The following ORC4 variants were observed in gnomAD, a reference collection of about 807,000 sequenced individuals.
The protein encoded by ORC4 is origin recognition complex, subunit 4 homolog.
In ORC4, 55 loss-of-function variants were observed where a neutral mutation model predicts 63.9. The observed-to-expected ratio is 0.86, with a 90% CI of 0.69 to 1.08. ORC4 has a LOEUF of 1.08. Among genes scored for constraint, ORC4 ranks in the 50% least tolerant of loss-of-function variants. The pLI, the probability that ORC4 is intolerant of heterozygous loss-of-function variation, is 0.00. For synonymous variants in ORC4, 150 were observed against 168.5 expected, an observed-to-expected ratio of 0.89 and a Z score of 0.85; for missense variants, 511 against 504.4, an observed-to-expected ratio of 1.01 and a Z score of -0.13.
intron 13 of ORC4, among the ~76,000 whole-genome samples, 173 bp from the exon 14 acceptor site, chr2:147,935,871 A>G (rs1173437042): frequency 2.0e-5 from 3 of 152,138 alleles, no homozygotes; most frequent in Non-Finnish European, 4.4e-5. Context: ...ATGAAAACTC[A>G]TATTATCAGG....
At position 147,952,509 on chromosome 2, in the gene ORC4, C is replaced by A. The variant is rs1553452537; in HGVS notation, c.452G>T (p.Ser151Ile). The A allele has an allele frequency of 1.2e-6, 2 of 1,610,480 alleles. No homozygotes were observed. Among genetic ancestry groups the A allele is most frequent in the Non-Finnish European group, 1.7e-6 (2 of 1,176,870 alleles). ...EALKKGDRTS[S>I]CPVIFILDEF... ...ATCTAATATGAAGATCACTGGGCAA[C>A]TGCTAGTTCGGTCACCTAAGATAAA... Residue 151 changes from serine (S) to isoleucine (I), a missense_variant, in exon 8 of 14, where the codon AGT becomes ATT. Transcript: ENST00000392857.
At chr2:147,973,572 T>C (rs756808602) in intron 2 of ORC4, 48 bp from the exon 3 acceptor site, 1 of 1,028,554 alleles carries the variant, frequency 9.7e-7, no homozygotes, top group South Asian at 1.4e-5. Flanking sequence ...TTACACATGA[T>C]ATAAAAAATA....
At chr2:147,958,966 T>C in intron 4 of ORC4, 100 bp from the exon 5 acceptor site, 2 of 611,742 alleles carry the variant, frequency 3.3e-6, no homozygotes, top group Admixed American at 2.9e-5. Context: ...TATAAATAAA[T>C]TGACCTCTTT....
intron 1 of ORC4, among the ~76,000 whole-genome samples, chr2:148,013,918 T>C (rs911418988): frequency 1.9e-4 from 29 of 152,178 alleles, no homozygotes; most frequent in Admixed American, 1.2e-3. Context: ...ACTTACCAAA[T>C]TCCATGTGAA....
intron 1 of ORC4, among the ~76,000 whole-genome samples, chr2:147,996,867 A>G (rs1292700902): frequency 2.6e-5 from 4 of 152,208 alleles, no homozygotes; most frequent in Non-Finnish European, 5.9e-5. Context: ...AAAACTAAAC[A>G]TATTTGTTTT....
intron 1 of ORC4, among the ~76,000 whole-genome samples, chr2:147,988,274 C>T (rs1240903647): frequency 1.3e-5 from 2 of 151,866 alleles, no homozygotes; most frequent in Non-Finnish European, 2.9e-5. Context: ...GGCACCATCA[C>T]ATATTCATTT....
At chr2:147,976,210 T>G (rs907867958) in intron 1 of ORC4, among the ~76,000 whole-genome samples, 5 of 152,184 alleles carry the variant, frequency 3.3e-5, no homozygotes, top group African/African-American at 9.6e-5. Context: ...GGTGCATTTT[T>G]TTTTTAAAGT....
chr2:147,968,542 C>T (rs900704326), intron 4 of ORC4, among the ~76,000 whole-genome samples: 1 of 152,018 alleles, frequency 6.6e-6, no homozygotes, highest in Non-Finnish European at 1.5e-5. Flanking sequence ...AAATGCTTAA[C>T]ATCATCAATC....
chr2:147,976,099 C>A (rs776031927), intron 1 of ORC4, 124 bp from the exon 2 acceptor site: 24 of 658,166 alleles, frequency 3.6e-5, no homozygotes, highest in Non-Finnish European at 6.5e-5. Flanking sequence ...AACCCTAAGA[C>A]CTTCAAAATC....
intron 1 of ORC4, among the ~76,000 whole-genome samples, chr2:147,998,334 G>A (rs950977693): frequency 2.6e-5 from 4 of 152,282 alleles, no homozygotes; most frequent in South Asian, 2.1e-4. Context: ...GAACCCCAGC[G>A]TGGCAATATT....
intron 10 of ORC4, 91 bp from the exon 11 acceptor site, chr2:147,939,339 C>T (rs1285199991): frequency 1.3e-6 from 1 of 767,024 alleles, no homozygotes; most frequent in African/African-American, 1.7e-5. Context: ...ATAGTTAATT[C>T]TTAAGGGAGA....
chr2:148,015,327 T>G (rs1209765006), intron 1 of ORC4, among the ~76,000 whole-genome samples: 1 of 144,892 alleles, frequency 6.9e-6, no homozygotes, highest in Non-Finnish European at 1.5e-5. Context: ...TTTTTTTTTT[T>G]TTTTTGAGAT....
chr2:148,012,441 A>C (rs953416821), intron 1 of ORC4, among the ~76,000 whole-genome samples: 43 of 152,272 alleles, frequency 2.8e-4, no homozygotes, highest in African/African-American at 1.0e-3. Context: ...CATATACAAA[A>C]ATCAAAGAAA....
At chr2:147,940,578 T>TAC (rs1322821703) in intron 10 of ORC4, among the ~76,000 whole-genome samples, 2 of 151,988 alleles carry the variant, frequency 1.3e-5, no homozygotes, top group African/African-American at 2.4e-5. Flanking sequence ...GGTATATATA[T>TAC]ACTATGGATA....
chr2:147,958,068 G>A (rs1477857527), intron 6 of ORC4, among the ~76,000 whole-genome samples: 1 of 151,996 alleles, frequency 6.6e-6, no homozygotes, highest in Non-Finnish European at 1.5e-5. Flanking sequence ...ATAAACTTGG[G>A]TTTCTTAGCT....
At position 147,933,420 on chromosome 2, in the gene ORC4, T is replaced by C. The variant is rs1436564928; in HGVS notation, c.*2090A>G. ...CCACAAAAATGCCTTGGGAATATAA[T>C]AGGCGTACACTTCATTTGTGTAACT... On this transcript the variant is annotated 3_prime_UTR_variant, in exon 14 of 14. Transcript: ENST00000392857. 1.3e-5 allele frequency: 2 copies of C among 152,110 alleles called. No homozygotes were observed. Among genetic ancestry groups the C allele is most frequent in the African/African-American group, 4.8e-5 (2 of 41,448 alleles). 9.4% of individuals were successfully genotyped at this position (152,110 alleles called of 1,614,324 possible).
intron 6 of ORC4, among the ~76,000 whole-genome samples, chr2:147,956,377 GTAGCTTGTC>G (rs1689253260): frequency 6.6e-6 from 1 of 152,008 alleles, no homozygotes; most frequent in African/African-American, 2.4e-5. Flanking sequence ...TTACTCAAAG[GTAGCTTGTC>G]TTTCAGGCTT....
intron 1 of ORC4, among the ~76,000 whole-genome samples, chr2:147,991,252 T>C (rs1691574020): frequency 1.3e-5 from 2 of 152,102 alleles, no homozygotes; most frequent in South Asian, 4.2e-4. Context: ...TTCACCATAT[T>C]GGCCAGGCTG....
intron 10 of ORC4, 88 bp from the exon 11 acceptor site, chr2:147,939,336 A>T: frequency 1.3e-6 from 1 of 779,972 alleles, no homozygotes; most frequent in Admixed American, 1.8e-5. Flanking sequence ...TGTATAGTTA[A>T]TTCTTAAGGG....
Sources: allele counts gnomAD v4.1 joint callset (sites outside exome capture counted in the v4.1 genomes callset), GRCh38; gene constraint gnomAD v4.1.1; transcripts MANE v1.5; gene names NCBI Gene and HGNC (gene_info 2026-07-23, HGNC 2026-07-21).